Variants in DCAF6 observed in about 807,000 individuals in gnomAD.
DCAF6 encodes DDB1 and CUL4 associated factor 6, also known as DDB1- and CUL4-associated factor 6.
In DCAF6, 54 loss-of-function variants were observed where a neutral mutation model predicts 125.1. The ratio of observed to expected loss-of-function variants is 0.43; its 90% CI spans 0.35 to 0.54. The LOEUF is 0.54. Ranked by LOEUF, DCAF6 falls within the 20% of genes least tolerant of loss-of-function variation. The probability of loss-of-function intolerance (pLI) is 0.01; values close to 1 mark genes in which losing one functional copy is unlikely to be tolerated. For missense variants in DCAF6, 934 were observed against 1,161.7 expected (o/e 0.80, Z 2.85); for synonymous variants, 371 against 390.4 (o/e 0.95, Z 0.58).
Position 168,063,605 on chromosome 1 carries a change from T to C in DCAF6, c.2301-16T>C, listed in dbSNP as rs1691890075. 1 of 1,466,266 alleles carries C rather than the reference T, an allele frequency of 6.8e-7. No individual in the cohort carries two copies. The allele number at this position is 1,466,266 out of a possible 1,614,324, so 90.8% of individuals were successfully genotyped here. The stretch of plus-strand genomic sequence containing the variant: ...TTTTTATTTATTTTTGTTTTTTTAA[T>C]ATGTAATTCATATAGACGCTCTGCT... On this transcript the variant is annotated splice_polypyrimidine_tract_variant and intron_variant, in intron 17 of 21. Transcript: ENST00000367840.
At chr1:168,023,373 G>A in intron 12 of DCAF6, 2 of 386,098 alleles carry the variant, frequency 5.2e-6, no homozygotes, top group East Asian at 8.3e-5. Flanking sequence ...AACTGTGGGT[G>A]TGAGGTTAAT....
chr1:167,878,664 C>T, the DCAF6 span: 1 of 1,605,316 alleles, frequency 6.2e-7, no homozygotes, highest in South Asian at 1.1e-5. Context: ...AGTCAAAGAT[C>T]AGGGAAATAA....
chr1:168,011,959 T>G (rs1035394651), intron 10 of DCAF6, among the ~76,000 whole-genome samples: 3 of 151,586 alleles, frequency 2.0e-5, no homozygotes, highest in African/African-American at 7.3e-5. Context: ...GGCGACAGAG[T>G]GAGCCTCTGT....
At chr1:167,938,050 A>G (rs775124602) in intron 1 of DCAF6, among the ~76,000 whole-genome samples, 32 of 152,184 alleles carry the variant, frequency 2.1e-4, no homozygotes, top group Non-Finnish European at 4.1e-4. Context: ...TTAGCATGCA[A>G]TTTTTTAATT....
At chr1:168,049,431 G>GTTTTTTTTTTTTT (rs11369573) in intron 16 of DCAF6, among the ~76,000 whole-genome samples, 6 of 101,200 alleles carry the variant, frequency 5.9e-5, no homozygotes, top group East Asian at 2.9e-4. Context: ...TGTTGTTGTT[G>GTTTTTTTTTTTTT]TTTTTTTTTT....
intron 11 of DCAF6, among the ~76,000 whole-genome samples, chr1:168,018,734 C>G (rs1260509858): frequency 1.3e-5 from 2 of 152,112 alleles, no homozygotes; most frequent in African/African-American, 4.8e-5. Context: ...AACTTGTTTT[C>G]TAGACTTTTA....
At chr1:167,943,030 C>T (rs943681386) in intron 1 of DCAF6, among the ~76,000 whole-genome samples, 1 of 152,094 alleles carries the variant, frequency 6.6e-6, no homozygotes, top group African/African-American at 2.4e-5. Context: ...CCTCAGCCTC[C>T]CGAGTAGCTG....
chr1:167,929,404 TG>T, the DCAF6 span, among the ~76,000 whole-genome samples: 1 of 152,188 alleles, frequency 6.6e-6, no homozygotes, highest in Non-Finnish European at 1.5e-5. Flanking sequence ...CTATGAACTA[TG>T]TTCAAGAATG....
At chr1:167,929,453 CTTATTT>C in the DCAF6 span, among the ~76,000 whole-genome samples, 3 of 152,062 alleles carry the variant, frequency 2.0e-5, no homozygotes, top group Admixed American at 1.3e-4. Context: ...GTTTTATTGC[CTTATTT>C]TTAAAGTGAA....
At chr1:167,875,119 C>T in the DCAF6 span, 1 of 1,612,910 alleles carries the variant, frequency 6.2e-7, no homozygotes, top group Non-Finnish European at 8.5e-7. Context: ...AAAATCAAGG[C>T]CTACTACCTA....
the DCAF6 span, among the ~76,000 whole-genome samples, chr1:167,908,008 T>C: frequency 6.6e-6 from 1 of 152,260 alleles, no homozygotes; most frequent in South Asian, 2.1e-4. Context: ...ATATGCAGGT[T>C]CCTAAAAAAT....
the DCAF6 span, among the ~76,000 whole-genome samples, chr1:167,864,066 T>C: frequency 6.6e-6 from 1 of 152,240 alleles, no homozygotes; most frequent in Non-Finnish European, 1.5e-5. Context: ...TTTTTGTTTT[T>C]GACTTGACTT....
chr1:167,948,563 A>G (rs775509987), intron 1 of DCAF6, among the ~76,000 whole-genome samples: 7 of 152,224 alleles, frequency 4.6e-5, no homozygotes, highest in Admixed American at 2.0e-4. Flanking sequence ...CAAAGTTGTA[A>G]TTTATTTAAT....
intron 10 of DCAF6, among the ~76,000 whole-genome samples, chr1:168,005,711 T>G (rs919606208): frequency 6.6e-6 from 1 of 152,192 alleles, no homozygotes; most frequent in African/African-American, 2.4e-5. Flanking sequence ...CTCTGGAAAC[T>G]GATGCCAGAT....
the DCAF6 span, among the ~76,000 whole-genome samples, chr1:167,925,965 A>G: frequency 2.0e-5 from 3 of 152,202 alleles, no homozygotes; most frequent in African/African-American, 7.2e-5. Flanking sequence ...TGATTTTCTA[A>G]TTTAATCCTA....
At chr1:167,942,768 A>T (rs1672448732) in intron 1 of DCAF6, among the ~76,000 whole-genome samples, 1 of 152,204 alleles carries the variant, frequency 6.6e-6, no homozygotes, top group African/African-American at 2.4e-5. Context: ...TTGATCTAAC[A>T]GTGTGTGGAA....
At chr1:167,920,452 A>C in the DCAF6 span, 13 of 1,276,282 alleles carry the variant, frequency 1.0e-5, no homozygotes, top group Non-Finnish European at 1.4e-5. Flanking sequence ...GTGTGGGTGT[A>C]TTTCAAACAC....
intron 20 of DCAF6, among the ~76,000 whole-genome samples, chr1:168,066,749 T>A (rs1198827041): frequency 6.6e-6 from 1 of 152,152 alleles, no homozygotes; most frequent in Admixed American, 6.5e-5. Context: ...GTTATTACAA[T>A]AAAGAATCAC....
At chr1:168,074,895 C>A (rs1394923170) in intron 21 of DCAF6, among the ~76,000 whole-genome samples, 3 of 152,144 alleles carry the variant, frequency 2.0e-5, no homozygotes, top group Admixed American at 2.0e-4. Flanking sequence ...TCCTTGAGAC[C>A]AGAAATTTAC....
Sources: allele counts gnomAD v4.1 joint callset (sites outside exome capture counted in the v4.1 genomes callset), GRCh38; gene constraint gnomAD v4.1.1; transcripts MANE v1.5; gene names NCBI Gene and HGNC (gene_info 2026-07-23, HGNC 2026-07-21).